The following CTNNA3 variants were observed in gnomAD, a reference collection of about 807,000 sequenced individuals.
CTNNA3 encodes catenin alpha-3.
CTNNA3 carries 76 observed loss-of-function variants against 95.7 expected under a neutral mutation model. The observed-to-expected ratio is 0.79, with a 90% CI of 0.66 to 0.96. The LOEUF (loss-of-function observed/expected upper bound fraction) is 0.96, where lower values mean the gene tolerates loss of function less well. Among genes scored for constraint, CTNNA3 ranks in the 40% least tolerant of loss-of-function variants. The pLI is 0.00. For missense variants in CTNNA3, 1,191 were observed against 1,089.8 expected, an observed-to-expected ratio of 1.09 and a Z score of -1.31; for synonymous variants, 431 against 374.4, an observed-to-expected ratio of 1.15 and a Z score of -1.74.
At chr10:66,505,489 G>T (rs72791599) in intron 11 of CTNNA3, among the ~76,000 whole-genome samples, 23,156 of 152,014 alleles carry the variant, frequency 0.15, 1,835 homozygotes, top group Non-Finnish European at 0.17. Flanking sequence ...AAATCTTACA[G>T]CTATGAAATC....
chr10:66,137,122 T>C (rs2083396831), intron 13 of CTNNA3, among the ~76,000 whole-genome samples: 1 of 152,142 alleles, frequency 6.6e-6, no homozygotes, highest in South Asian at 2.1e-4. Context: ...GTTCACATAA[T>C]TTAATGTTTA....
chr10:66,865,639 T>C (rs1309859301), intron 7 of CTNNA3, among the ~76,000 whole-genome samples: 8 of 152,126 alleles, frequency 5.3e-5, no homozygotes, highest in African/African-American at 1.9e-4. Context: ...TATGTAAACG[T>C]AATGGAAAAA....
rs376285750 is a variant in CTNNA3 at position 66,277,254 on chromosome 10, G to T, written c.1884+3216C>A. 3.0e-4 allele frequency among the ~76,000 whole-genome samples: 45 copies of T among 152,138 alleles called. No homozygotes were observed. In the South Asian group the frequency reaches 8.9e-3, roughly 30 times the overall value. ...CTATAAAATGCCAAGTTCTGATCTT[G>T]AGTTAGTATTTTATTGTTTCAAAGG... On this transcript the variant is annotated intron_variant, in intron 13 of 17. Coordinates refer to ENST00000433211, the MANE Select transcript of CTNNA3 (RefSeq NM_013266.4).
intron 10 of CTNNA3, among the ~76,000 whole-genome samples, chr10:66,587,130 T>C (rs193195330): frequency 1.3e-5 from 2 of 152,214 alleles, no homozygotes; most frequent in Admixed American, 1.3e-4. Flanking sequence ...TAAATAGCTT[T>C]AGTGTTTTGG....
At chr10:66,003,952 C>T (rs3858134) in intron 15 of CTNNA3, among the ~76,000 whole-genome samples, 16,315 of 152,222 alleles carry the variant, frequency 0.11, 1,106 homozygotes, top group East Asian at 0.2. Context: ...TATGCTGCTT[C>T]GCATGCCCAC....
In CTNNA3 at chr10:65,968,118, A is replaced by T. The variant is rs942082461; in HGVS notation, c.2266-1372T>A. 5.3e-5 allele frequency among the ~76,000 whole-genome samples: 8 copies of T among 152,370 alleles called. No individual in the cohort carries two copies. In the East Asian group the frequency reaches 1.5e-3, roughly 29 times the overall value. ...TTAAAACATGCTGAATGCCAGACGC[A>T]GTGGCTCATGCCTATAATCCCAGCA... On this transcript the variant is annotated intron_variant, in intron 16 of 17. Transcript: ENST00000433211.
intron 13 of CTNNA3, among the ~76,000 whole-genome samples, chr10:66,273,704 G>T (rs1231238862): frequency 6.6e-6 from 1 of 152,090 alleles, no homozygotes; most frequent in African/African-American, 2.4e-5. Context: ...GAGAAGGGTG[G>T]GTTCTGGTAA....
chr10:67,267,729 T>C (rs1406256369), intron 5 of CTNNA3, among the ~76,000 whole-genome samples: 1 of 152,176 alleles, frequency 6.6e-6, no homozygotes, highest in African/African-American at 2.4e-5. Flanking sequence ...ATATAAATAC[T>C]AGAAGAAACA....
At chr10:67,446,253 T>C (rs1302235415) in intron 5 of CTNNA3, among the ~76,000 whole-genome samples, 1 of 152,148 alleles carries the variant, frequency 6.6e-6, no homozygotes, top group Non-Finnish European at 1.5e-5. Flanking sequence ...AAATCTATAC[T>C]GTGCTCTCCT....
At chr10:66,765,082 G>T (rs971197944) in intron 9 of CTNNA3, among the ~76,000 whole-genome samples, 3 of 152,128 alleles carry the variant, frequency 2.0e-5, no homozygotes, top group Non-Finnish European at 4.4e-5. Context: ...AGGTGGAACG[G>T]CTTTGGGCTA....
intron 9 of CTNNA3, among the ~76,000 whole-genome samples, chr10:66,692,982 C>T (rs1262957089): frequency 1.3e-5 from 2 of 152,182 alleles, no homozygotes; most frequent in Non-Finnish European, 2.9e-5. Context: ...TGGAAAGCAA[C>T]AACCGGTACC....
At chr10:66,604,557 T>C (rs532542987) in intron 10 of CTNNA3, among the ~76,000 whole-genome samples, 1 of 152,054 alleles carries the variant, frequency 6.6e-6, no homozygotes, top group East Asian at 1.9e-4. Flanking sequence ...CATCAGAGAG[T>C]ACTGACCAGC....
intron 2 of CTNNA3, 50 bp from the exon 3 acceptor site, chr10:67,607,099 C>T (rs1273055016): frequency 7.1e-7 from 1 of 1,415,240 alleles, no homozygotes. Context: ...GTAAGGAGAA[C>T]ACAGTCCTGG....
chr10:67,084,322 C>G (rs1239138300), intron 7 of CTNNA3, among the ~76,000 whole-genome samples: 1 of 151,834 alleles, frequency 6.6e-6, no homozygotes, highest in Non-Finnish European at 1.5e-5. Context: ...AAGAAAATAC[C>G]AAAGATGCTC....
At chr10:66,452,310 A>T (rs779061951) in intron 11 of CTNNA3, among the ~76,000 whole-genome samples, 17 of 152,164 alleles carry the variant, frequency 1.1e-4, no homozygotes, top group Non-Finnish European at 2.5e-4. Context: ...CCTAGTAATG[A>T]TAATAAATCT....
intron 13 of CTNNA3, among the ~76,000 whole-genome samples, chr10:66,186,849 C>T (rs2086371050): frequency 6.6e-6 from 1 of 152,140 alleles, no homozygotes; most frequent in Non-Finnish European, 1.5e-5. Flanking sequence ...AGGTGAACTT[C>T]AACTTTTTTA....
intron 6 of CTNNA3, among the ~76,000 whole-genome samples, chr10:67,196,951 G>T (rs1219505614): frequency 1.3e-5 from 2 of 152,022 alleles, no homozygotes; most frequent in Non-Finnish European, 2.9e-5. Context: ...TTTAAAATGT[G>T]TAAAAAATCC....
At chr10:67,757,655 G>A (rs1411758125) in intron 1 of CTNNA3, among the ~76,000 whole-genome samples, 3 of 152,000 alleles carry the variant, frequency 2.0e-5, no homozygotes, top group South Asian at 2.1e-4. Flanking sequence ...GACTTACACC[G>A]GTGGTTTGCC....
chr10:66,602,600 T>C (rs1429881867), intron 10 of CTNNA3, among the ~76,000 whole-genome samples: 1 of 151,686 alleles, frequency 6.6e-6, no homozygotes, highest in Non-Finnish European at 1.5e-5. Flanking sequence ...AAAGGCAATA[T>C]TGAAAAATTA....
Sources: allele counts gnomAD v4.1 joint callset (sites outside exome capture counted in the v4.1 genomes callset), GRCh38; gene constraint gnomAD v4.1.1; transcripts MANE v1.5; gene names NCBI Gene and HGNC (gene_info 2026-07-23, HGNC 2026-07-21).